TMEM132D: variants seen among roughly 807,000 people sequenced by gnomAD.
TMEM132D encodes transmembrane protein 132D.
A neutral mutation model predicts 62.3 loss-of-function variants in TMEM132D; 21 were observed. The ratio of observed to expected loss-of-function variants is 0.34; its 90% CI spans 0.24 to 0.49. The LOEUF is 0.49. Ranked by LOEUF, TMEM132D falls within the 20% of genes least tolerant of loss-of-function variation. The probability of loss-of-function intolerance (pLI) is 0.99; values close to 1 mark genes in which losing one functional copy is unlikely to be tolerated. For synonymous variants in TMEM132D, 621 were observed against 575.6 expected (o/e 1.08, Z -1.13); for missense variants, 1,346 against 1,402.8 (o/e 0.96, Z 0.65).
intron 4 of TMEM132D, among the ~76,000 whole-genome samples, chr12:129,272,742 A>G (rs915307139): frequency 6.6e-6 from 1 of 151,768 alleles, no homozygotes. Flanking sequence ...AGCATCTCAC[A>G]CTAGATAGAA....
At chr12:129,298,964 A>T (rs1881641820) in intron 4 of TMEM132D, among the ~76,000 whole-genome samples, 1 of 152,220 alleles carries the variant, frequency 6.6e-6, no homozygotes, top group Non-Finnish European at 1.5e-5. Flanking sequence ...TTTGCCATTC[A>T]AAACACTTGT....
rs898581256 is a variant in TMEM132D at position 129,828,304 on chromosome 12, T to C, written c.79+74957A>G. ...GGATTATTAGTCTTTGCTTCTCCAT[T>C]ACATAAATAGAATTAATAAAAGCCG... On this transcript the variant is annotated intron_variant, in intron 1 of 8. Transcript: ENST00000422113. 4.6e-5 allele frequency among the ~76,000 whole-genome samples: 7 copies of C among 152,246 alleles called. No individual in the cohort carries two copies. In the South Asian group the frequency reaches 1.5e-3, roughly 32 times the overall value.
rs184647060 is a variant in TMEM132D, at chr12:129,289,104, C to T, written c.1299+48530G>A. ...CGGTGGGTGCCAGGGATGGGGGTAT[C>T]GGGGGGAATGGGTAGATGTTGCTCA... is the stretch of plus-strand genomic sequence containing the variant. On this transcript the variant is annotated intron_variant, in intron 4 of 8. Coordinates refer to ENST00000422113, the MANE Select transcript of TMEM132D (RefSeq NM_133448.3). 4.6e-5 allele frequency among the ~76,000 whole-genome samples: 7 copies of T among 151,700 alleles called. No homozygotes were observed. The East Asian group carries it at 7.8e-4, about 17-fold the overall frequency.
chr12:129,272,312 GAGA>G (rs1880876683), intron 4 of TMEM132D, among the ~76,000 whole-genome samples: 1 of 151,768 alleles, frequency 6.6e-6, no homozygotes, highest in African/African-American at 2.4e-5. Flanking sequence ...CATCAAATCT[GAGA>G]ATTACTCCTC....
intron 5 of TMEM132D, among the ~76,000 whole-genome samples, chr12:129,136,854 T>TTATCATCACCACCACCATCATTAC (rs1876584697): frequency 7.0e-6 from 1 of 142,110 alleles, no homozygotes. Context: ...ACCATCATCA[T>TTATCATCACCACCACCATCATTAC]TATCATCACC....
chr12:129,801,162 T>G (rs1230206384), intron 1 of TMEM132D, among the ~76,000 whole-genome samples: 1 of 152,190 alleles, frequency 6.6e-6, no homozygotes, highest in Non-Finnish European at 1.5e-5. Flanking sequence ...TTGCCCAGGC[T>G]TGCTCAGGTA....
At chr12:129,649,554 T>C (rs1879867745) in intron 2 of TMEM132D, among the ~76,000 whole-genome samples, 1 of 152,158 alleles carries the variant, frequency 6.6e-6, no homozygotes, top group Non-Finnish European at 1.5e-5. Context: ...TCCAGTAAAT[T>C]CTTAACTCTC....
intron 5 of TMEM132D, among the ~76,000 whole-genome samples, chr12:129,175,725 G>C (rs1593285946): frequency 6.6e-6 from 1 of 152,072 alleles, no homozygotes; most frequent in South Asian, 2.1e-4. Flanking sequence ...AATAGGCAAA[G>C]CCATCTTGCT....
chr12:129,138,089 CATAA>C (rs1348864552), intron 5 of TMEM132D, among the ~76,000 whole-genome samples: 1 of 151,924 alleles, frequency 6.6e-6, no homozygotes, highest in African/African-American at 2.4e-5. Flanking sequence ...GGGCAAATAA[CATAA>C]ATAAATGAGT....
chr12:129,662,115 C>T (rs2137192497), intron 2 of TMEM132D, among the ~76,000 whole-genome samples: 1 of 152,298 alleles, frequency 6.6e-6, no homozygotes, highest in East Asian at 1.9e-4. Context: ...CATACATGAT[C>T]TGAATCAAGT....
At position 129,798,445 on chromosome 12, in the gene TMEM132D, G is replaced by A. The variant is rs529674816; in HGVS notation, c.80-97747C>T. ...AAATAATTAGAAGCGCTAAGCTAAT[G>A]TAGTAGAAACATATTATACATTTCT... On this transcript the variant is annotated intron_variant, in intron 1 of 8. Coordinates refer to ENST00000422113, the MANE Select transcript of TMEM132D (RefSeq NM_133448.3). 2.0e-5 allele frequency among the ~76,000 whole-genome samples: 3 copies of A among 151,980 alleles called. No homozygotes were observed. The South Asian group carries it at 6.3e-4, about 32-fold the overall frequency.
chr12:129,172,882 T>A (rs1228598356), intron 5 of TMEM132D, among the ~76,000 whole-genome samples: 4 of 152,132 alleles, frequency 2.6e-5, no homozygotes, highest in African/African-American at 9.7e-5. Context: ...CGGCCTGGCC[T>A]CATTTCAATA....
At chr12:129,096,621 C>G (rs1372576953) in intron 5 of TMEM132D, among the ~76,000 whole-genome samples, 1 of 152,174 alleles carries the variant, frequency 6.6e-6, no homozygotes, top group African/African-American at 2.4e-5. Context: ...GGGCTGCCTG[C>G]TACCAGCACT....
intron 5 of TMEM132D, among the ~76,000 whole-genome samples, chr12:129,117,351 T>C (rs942747663): frequency 2.0e-5 from 3 of 152,060 alleles, no homozygotes; most frequent in Non-Finnish European, 4.4e-5. Flanking sequence ...ATTATAATGG[T>C]AAATGCATGT....
chr12:129,818,095 T>C (rs1327949869), intron 1 of TMEM132D, among the ~76,000 whole-genome samples: 2 of 147,338 alleles, frequency 1.4e-5, no homozygotes, highest in Non-Finnish European at 3.0e-5. Context: ...GTGGGGTGTG[T>C]GCGTTTCTAT....
chr12:129,499,728 C>T (rs1875069856), intron 3 of TMEM132D, among the ~76,000 whole-genome samples: 1 of 152,154 alleles, frequency 6.6e-6, no homozygotes, highest in Non-Finnish European at 1.5e-5. Context: ...TTCAGAGGGT[C>T]TTTAGGTTAA....
rs118034767 is a variant in TMEM132D, at chr12:129,207,543, C to T, written c.1443+1977G>A. Among the ~76,000 whole-genome samples the T allele has an allele frequency of 3.6e-3, 544 of 152,202 alleles. 2 individuals carry two copies. The highest frequency in any genetic ancestry group is 6.1e-3 in the Non-Finnish European group (416 of 68,010). ...GAGAAGATGAGGCGAGGGAGCCGTA[C>T]AGGCATCCAGGGAAAGAGAGTTAAA... On this transcript the variant is annotated intron_variant, in intron 5 of 8. Coordinates refer to ENST00000422113, the MANE Select transcript of TMEM132D (RefSeq NM_133448.3).
chr12:129,169,749 C>T (rs899386121), intron 5 of TMEM132D, among the ~76,000 whole-genome samples: 6 of 152,180 alleles, frequency 3.9e-5, no homozygotes, highest in Admixed American at 2.0e-4. Flanking sequence ...AATTGTACTG[C>T]AGGGGCCATC....
At chr12:129,077,832 AAAC>A (rs1565955926) in intron 8 of TMEM132D, among the ~76,000 whole-genome samples, 1 of 152,040 alleles carries the variant, frequency 6.6e-6, no homozygotes, top group Non-Finnish European at 1.5e-5. Context: ...ACACAACACA[AAAC>A]AAGCAACACA....
Sources: allele counts gnomAD v4.1 joint callset (sites outside exome capture counted in the v4.1 genomes callset), GRCh38; gene constraint gnomAD v4.1.1; transcripts MANE v1.5; gene names NCBI Gene and HGNC (gene_info 2026-07-23, HGNC 2026-07-21).